Variants in CPVL observed in about 807,000 individuals in gnomAD.
CPVL encodes carboxypeptidase vitellogenic like, also known as probable serine carboxypeptidase CPVL.
A neutral mutation model predicts 63.7 loss-of-function variants in CPVL; 51 were observed. The observed-to-expected ratio is 0.80, with a 90% CI of 0.64 to 1.01. The LOEUF is 1.01. Among genes scored for constraint, CPVL ranks in the 50% least tolerant of loss-of-function variants. The pLI is 0.00. For synonymous variants in CPVL, 195 were observed against 206.0 expected (o/e 0.95, Z 0.46); for missense variants, 530 against 573.1 (o/e 0.92, Z 0.77).
chr7:29,081,467 A>G (rs1784702428), intron 7 of CPVL: 1 of 152,186 alleles, frequency 6.6e-6, no homozygotes, highest in African/African-American at 2.4e-5. Context: ...TGGCCACACC[A>G]TCGTCCACAC....
At chr7:29,139,961 T>C (rs930316594) in intron 1 of CPVL, among the ~76,000 whole-genome samples, 1 of 152,224 alleles carries the variant, frequency 6.6e-6, no homozygotes, top group Non-Finnish European at 1.5e-5. Flanking sequence ...TCCCCTTTTG[T>C]CAAATACAGG....
At chr7:29,052,833 C>T (rs911547844) in intron 11 of CPVL, among the ~76,000 whole-genome samples, 6 of 152,016 alleles carry the variant, frequency 3.9e-5, no homozygotes, top group African/African-American at 7.3e-5. Flanking sequence ...TGCTTGAACC[C>T]GGGAGGTGGA....
In CPVL at chr7:29,156,783, A is replaced by G. The variant is rs1242922739; in HGVS notation, c.-11+24507T>C. Among the ~76,000 whole-genome samples the G allele has an allele frequency of 4.0e-5, 6 of 151,080 alleles. No individual in the cohort carries two copies. In the East Asian group the frequency reaches 1.2e-3, roughly 30 times the overall value. ...TCAGATTTTTAGCTTCTGCATAGCTAAAGAAAAAGTCCAAGAAGTCATAAT... is the reference window on the plus strand; with the variant it reads ...TCAGATTTTTAGCTTCTGCATAGCTGAAGAAAAAGTCCAAGAAGTCATAAT... On this transcript the variant is annotated intron_variant, in intron 5 of 16. Transcript: ENST00000409850.
intron 1 of CPVL, among the ~76,000 whole-genome samples, chr7:29,129,593 C>T (rs1790464408): frequency 6.6e-6 from 1 of 151,926 alleles, no homozygotes; most frequent in Admixed American, 6.6e-5. Flanking sequence ...CTCAGCCTCC[C>T]AAGTAGCTGG....
chr7:29,060,443 A>C (rs1791158411), intron 11 of CPVL, among the ~76,000 whole-genome samples: 1 of 152,182 alleles, frequency 6.6e-6, no homozygotes, highest in African/African-American at 2.4e-5. Context: ...AAAAGTCCTG[A>C]TCATGTTTTG....
chr7:29,099,585 G>A (rs1786862430), intron 3 of CPVL, among the ~76,000 whole-genome samples: 1 of 152,162 alleles, frequency 6.6e-6, no homozygotes, highest in Non-Finnish European at 1.5e-5. Context: ...GGTGGCAGAT[G>A]CCTGTAATCC....
At chr7:29,060,323 C>G (rs1181700630) in intron 11 of CPVL, among the ~76,000 whole-genome samples, 1 of 152,154 alleles carries the variant, frequency 6.6e-6, no homozygotes, top group East Asian at 1.9e-4. Flanking sequence ...TTTAAGTTTC[C>G]TCTCCCAAAG....
At chr7:29,077,647 A>G (rs1046618815) in intron 7 of CPVL, among the ~76,000 whole-genome samples, 1 of 152,168 alleles carries the variant, frequency 6.6e-6, no homozygotes, top group African/African-American at 2.4e-5. Context: ...GCTCCTTTGT[A>G]TCCCCAGAAG....
chr7:29,192,815 C>T (rs1256808241), intron 1 of CPVL: 1 of 152,146 alleles, frequency 6.6e-6, no homozygotes, highest in Non-Finnish European at 1.5e-5. Flanking sequence ...GTCTTCGAAG[C>T]CCAGATGGTA....
At chr7:29,026,669 G>A (rs1254649727) in intron 12 of CPVL, among the ~76,000 whole-genome samples, 3 of 152,076 alleles carry the variant, frequency 2.0e-5, no homozygotes, top group East Asian at 1.9e-4. Flanking sequence ...CATTACAATC[G>A]ATACCACACA....
chr7:29,163,512 A>C (rs370006526), intron 5 of CPVL, among the ~76,000 whole-genome samples: 2 of 152,342 alleles, frequency 1.3e-5, no homozygotes, highest in South Asian at 4.1e-4. Context: ...GGGCATATGC[A>C]TATGAGCAAT....
intron 5 of CPVL, among the ~76,000 whole-genome samples, chr7:29,177,749 A>G (rs1238536003): frequency 1.3e-5 from 2 of 151,578 alleles, no homozygotes; most frequent in Admixed American, 6.6e-5. Flanking sequence ...AACCCTCTTT[A>G]CTTCTAAACA....
At chr7:29,098,540 T>C (rs1217254741) in intron 3 of CPVL, among the ~76,000 whole-genome samples, 2 of 152,190 alleles carry the variant, frequency 1.3e-5, no homozygotes, top group African/African-American at 4.8e-5. Flanking sequence ...ATATAAATGA[T>C]TATTATGACT....
chr7:29,152,301 T>A (rs993696398), intron 5 of CPVL, among the ~76,000 whole-genome samples: 1 of 152,192 alleles, frequency 6.6e-6, no homozygotes, highest in Admixed American at 6.5e-5. Context: ...GGTTAACTGC[T>A]ATGGATTTAA....
chr7:29,081,670 G>A (rs964421743), intron 7 of CPVL, among the ~76,000 whole-genome samples: 4 of 152,136 alleles, frequency 2.6e-5, no homozygotes, highest in African/African-American at 7.2e-5. Flanking sequence ...ATGAGTTAGC[G>A]GAGCTTCTAT....
At chr7:29,052,394 T>A (rs1443406168) in intron 11 of CPVL, among the ~76,000 whole-genome samples, 1 of 151,312 alleles carries the variant, frequency 6.6e-6, no homozygotes, top group Non-Finnish European at 1.5e-5. Flanking sequence ...GTATTAGTTT[T>A]TAAACCTATT....
chr7:29,171,785 C>A (rs944899173), intron 5 of CPVL, among the ~76,000 whole-genome samples: 5 of 152,156 alleles, frequency 3.3e-5, no homozygotes, highest in African/African-American at 1.2e-4. Flanking sequence ...CCTATCAAAT[C>A]CATCTAACAT....
At chr7:29,177,368 C>T (rs183386420) in intron 5 of CPVL, among the ~76,000 whole-genome samples, 7 of 152,120 alleles carry the variant, frequency 4.6e-5, no homozygotes, top group African/African-American at 1.2e-4. Flanking sequence ...ATTCTCCTGC[C>T]GCAATCTCCT....
chr7:29,144,077 C>T (rs1043424893), intron 1 of CPVL, among the ~76,000 whole-genome samples: 25 of 152,326 alleles, frequency 1.6e-4, no homozygotes, highest in Non-Finnish European at 2.6e-4. Flanking sequence ...GCCCAGCTTA[C>T]CTCTCTCACA....
Sources: allele counts gnomAD v4.1 joint callset (sites outside exome capture counted in the v4.1 genomes callset), GRCh38; gene constraint gnomAD v4.1.1; transcripts MANE v1.5; gene names NCBI Gene and HGNC (gene_info 2026-07-23, HGNC 2026-07-21).